The following TRHDE variants were observed in gnomAD, a reference collection of about 807,000 sequenced individuals.
The protein encoded by TRHDE is thyrotropin-releasing hormone-degrading ectoenzyme.
In TRHDE, 72 loss-of-function variants were observed where a neutral mutation model predicts 125.7. The ratio of observed to expected loss-of-function variants is 0.57; its 90% CI spans 0.47 to 0.70. TRHDE has a LOEUF of 0.70. Among genes scored for constraint, TRHDE ranks in the 30% least tolerant of loss-of-function variants. TRHDE has a pLI of 0.00. For missense variants in TRHDE, 1,110 were observed against 1,327.1 expected (o/e 0.84, Z 2.54); for synonymous variants, 509 against 509.1 (o/e 1.00, Z 0.00).
upstream of TRHDE, among the ~76,000 whole-genome samples, chr12:72,271,053 C>T (rs987712361): frequency 7.9e-5 from 12 of 152,170 alleles, no homozygotes; most frequent in African/African-American, 2.7e-4. Context: ...TTCTAATAAG[C>T]CCAGCTTTTC....
intron 6 of TRHDE, among the ~76,000 whole-genome samples, chr12:72,522,337 G>A: frequency 6.6e-6 from 1 of 152,132 alleles, no homozygotes; most frequent in Middle Eastern, 3.2e-3. Flanking sequence ...CTATCTGTAT[G>A]TCCTTTTAAA....
intron 18 of TRHDE, among the ~76,000 whole-genome samples, chr12:72,658,929 G>C (rs970833247): frequency 2.0e-5 from 3 of 152,110 alleles, no homozygotes; most frequent in Admixed American, 6.5e-5. Flanking sequence ...GTCAGATGGG[G>C]TGGGGGTTTT....
chr12:72,451,176 T>G (rs1592454536), intron 3 of TRHDE, among the ~76,000 whole-genome samples: 1 of 152,172 alleles, frequency 6.6e-6, no homozygotes, highest in Non-Finnish European at 1.5e-5. Context: ...CTTTTGAGGT[T>G]GTATCCAAAA....
chr12:72,618,737 A>G (rs74924832), intron 12 of TRHDE, among the ~76,000 whole-genome samples, 154 bp from the exon 13 acceptor site: 1,828 of 152,290 alleles, frequency 0.012, 34 homozygotes, highest in African/African-American at 0.041. Context: ...CATCCTAAGT[A>G]TGACTATATT....
chr12:72,317,847 C>T (rs1360004955), intron 2 of TRHDE, among the ~76,000 whole-genome samples: 1 of 152,050 alleles, frequency 6.6e-6, no homozygotes, highest in Non-Finnish European at 1.5e-5. Context: ...ATTTGGGAAA[C>T]AGTGCTGTGG....
In TRHDE at chr12:72,228,043, T is replaced by G. The variant is rs1191482568; in HGVS notation, n.279+122291T>G. ...ATCTGCAGCTTTTCCAGGTGCACAG[T>G]GCAAGCTGTCAGTGGATCTACCATT... is the stretch of plus-strand genomic sequence containing the variant. On this transcript the variant is annotated intron_variant and non_coding_transcript_variant, in intron 2 of 4. Transcript: ENST00000548156. 2.0e-5 allele frequency among the ~76,000 whole-genome samples: 3 copies of G among 152,176 alleles called. No individual in the cohort carries two copies. In the East Asian group the frequency reaches 5.8e-4, roughly 29 times the overall value.
At chr12:72,158,100 G>A (rs777387023) in intron 2 of TRHDE, among the ~76,000 whole-genome samples, 15 of 152,148 alleles carry the variant, frequency 9.9e-5, no homozygotes, top group African/African-American at 1.7e-4. Flanking sequence ...CAATGTTCAT[G>A]CAAAAATGTT....
intron 6 of TRHDE, among the ~76,000 whole-genome samples, chr12:72,527,677 C>T (rs1036090247): frequency 2.6e-5 from 4 of 151,380 alleles, no homozygotes; most frequent in African/African-American, 9.7e-5. Flanking sequence ...TCGTAAGAAT[C>T]ACATTCCCAT....
intron 2 of TRHDE, among the ~76,000 whole-genome samples, chr12:72,175,416 G>A (rs1182520257): frequency 6.6e-6 from 1 of 152,192 alleles, no homozygotes; most frequent in Non-Finnish European, 1.5e-5. Flanking sequence ...ACAGCATCAA[G>A]TAAATCTCTT....
chr12:72,387,056 C>G (rs899028048), intron 3 of TRHDE, among the ~76,000 whole-genome samples: 1 of 152,158 alleles, frequency 6.6e-6, no homozygotes, highest in Non-Finnish European at 1.5e-5. Context: ...TGGCTTTAAA[C>G]ACCATATGCT....
At chr12:72,632,640 T>G (rs1281846037) in intron 15 of TRHDE, among the ~76,000 whole-genome samples, 1 of 151,564 alleles carries the variant, frequency 6.6e-6, no homozygotes, top group Non-Finnish European at 1.5e-5. Flanking sequence ...CTTTTAGGTA[T>G]AATTGGTGCT....
In TRHDE at chr12:72,384,559, CA is replaced by C. The variant is rs1872331207; in HGVS notation, c.1315+6444del. ...GTCTTATTTTTACTTCATGCCAGAC[CA>C]AAAAATACATGAATTTAATTGGAGA... On this transcript the variant is annotated intron_variant, in intron 3 of 18. Coordinates refer to ENST00000261180, the MANE Select transcript of TRHDE (RefSeq NM_013381.3). Among the ~76,000 whole-genome samples, 10 of 151,810 alleles carry C rather than the reference CA, an allele frequency of 6.6e-5. No individual in the cohort carries two copies. In the South Asian group the frequency reaches 2.1e-3, roughly 32 times the overall value.
intron 2 of TRHDE, among the ~76,000 whole-genome samples, chr12:72,340,618 G>C (rs759335351): frequency 6.6e-6 from 1 of 151,992 alleles, no homozygotes; most frequent in African/African-American, 2.4e-5. Flanking sequence ...TTGTCCTGCC[G>C]TGGGTGGCTT....
intron 2 of TRHDE, among the ~76,000 whole-genome samples, chr12:72,199,839 G>C (rs181457761): frequency 2.0e-5 from 3 of 152,242 alleles, no homozygotes; most frequent in Admixed American, 1.3e-4. Flanking sequence ...AGTGCATTTT[G>C]ATTAGGAAGC....
intron 3 of TRHDE, among the ~76,000 whole-genome samples, chr12:72,380,621 G>T (rs1872096935): frequency 6.6e-6 from 1 of 152,190 alleles, no homozygotes; most frequent in Non-Finnish European, 1.5e-5. Context: ...AGCAGAGTGA[G>T]TAAAGGGGTG....
At chr12:72,248,061 G>A (rs1276322636) in intron 2 of TRHDE, among the ~76,000 whole-genome samples, 1 of 152,128 alleles carries the variant, frequency 6.6e-6, no homozygotes, top group Admixed American at 6.5e-5. Flanking sequence ...GCATGCATGT[G>A]TGTATATGTG....
rs2135704319 is a variant in TRHDE, at chr12:72,315,571, T to C, written c.1188+28617T>C. 2.0e-5 allele frequency among the ~76,000 whole-genome samples: 3 copies of C among 152,366 alleles called. No individual in the cohort carries two copies. In the Middle Eastern group the frequency reaches 0.01, roughly 518 times the overall value. On this transcript the variant is annotated intron_variant, in intron 2 of 18. Coordinates refer to ENST00000261180, the MANE Select transcript of TRHDE (RefSeq NM_013381.3). ...GACATGTAGCTGTAAAATTATGGTA[T>C]GCACTTTCTCTCTGTACCTGAGCAG...
rs949056808 is a variant in TRHDE, at chr12:72,542,822, G to T, written c.1788+466G>T. Among the ~76,000 whole-genome samples the T allele has an allele frequency of 6.0e-5, 9 of 151,064 alleles. No individual in the cohort carries two copies. The East Asian group carries it at 1.6e-3, about 26-fold the overall frequency. ...TTATTTGTTCCAAAGGTTTTTAATT[G>T]TTTTTATTTTAATTAGAAAATATGT... On this transcript the variant is annotated intron_variant, in intron 7 of 18. Coordinates refer to ENST00000261180, the MANE Select transcript of TRHDE (RefSeq NM_013381.3).
intron 2 of TRHDE, chr12:72,186,651 A>G (rs1351359022): frequency 6.5e-6 from 1 of 153,478 alleles, no homozygotes; most frequent in African/African-American, 2.4e-5. Flanking sequence ...TTTCATAGAC[A>G]ACACAGTATT....
Sources: allele counts gnomAD v4.1 joint callset (sites outside exome capture counted in the v4.1 genomes callset), GRCh38; gene constraint gnomAD v4.1.1; transcripts MANE v1.5; gene names NCBI Gene and HGNC (gene_info 2026-07-23, HGNC 2026-07-21).